The following NEXMIF variants were observed in gnomAD, a reference collection of about 807,000 sequenced individuals.
NEXMIF encodes the protein neurite extension and migration factor, also known as XLMR protein related to neurite extension.
NEXMIF carries 8 observed loss-of-function variants against 62.1 expected under a neutral mutation model. The observed-to-expected ratio is 0.13, with a 90% confidence interval of 0.08 to 0.23. The LOEUF is 0.23. NEXMIF is among the 10% of genes least tolerant of loss of function. NEXMIF has a pLI of 1.00. For synonymous variants in NEXMIF, 404 were observed against 416.6 expected, an observed-to-expected ratio of 0.97 and a Z score of 0.37; for missense variants, 976 against 1,113.3, an observed-to-expected ratio of 0.88 and a Z score of 1.75.
chrX:74,904,222 T>C (rs6647566), intron 1 of NEXMIF, among the ~76,000 whole-genome samples: 16,129 of 110,063 alleles, frequency 0.15, 1,781 homozygotes, highest in East Asian at 0.91. Context: ...TTTGAGAGAG[T>C]AATGAAACTT....
At chrX:74,836,528 T>C (rs1310088325) in intron 1 of NEXMIF, among the ~76,000 whole-genome samples, 1 of 110,849 alleles carries the variant, frequency 9.0e-6, no homozygotes, top group Non-Finnish European at 1.9e-5. Context: ...AGTGAGTCCT[T>C]CCCTCAAGGC....
chrX:74,765,449 G>A (rs999720532), intron 1 of NEXMIF, among the ~76,000 whole-genome samples: 3 of 111,480 alleles, frequency 2.7e-5, no homozygotes, highest in Non-Finnish European at 3.8e-5. Flanking sequence ...TCATATGTGC[G>A]GATTTGATCC....
chrX:74,791,447 T>C lies in NEXMIF; in HGVS notation c.-47-45750A>G, dbSNP rs773465465. On this transcript the variant is annotated intron_variant, in intron 1 of 3. Coordinates refer to ENST00000055682, the MANE Select transcript of NEXMIF (RefSeq NM_001008537.3). ...AGTGGTCTAAAATTCTCTTTTTTTG[T>C]TGTGTCTCTGCCTGGCTTTGGTATC... Among the ~76,000 whole-genome samples, 1,091 of 111,221 alleles carry C rather than the reference T, an allele frequency of 9.8e-3. 16 individuals carry two copies. The highest frequency in any genetic ancestry group is 0.032 in the African/African-American group (989 of 30,572).
chrX:74,756,839 G>T (rs2080160931), intron 1 of NEXMIF, among the ~76,000 whole-genome samples: 1 of 111,194 alleles, frequency 9.0e-6, no homozygotes, highest in Non-Finnish European at 1.9e-5. Flanking sequence ...ATTAAAGTCT[G>T]CATAGGAAAC....
chrX:74,924,021 G>T (rs1466692962), intron 1 of NEXMIF, among the ~76,000 whole-genome samples: 2 of 111,913 alleles, frequency 1.8e-5, no homozygotes, highest in Non-Finnish European at 3.8e-5. Flanking sequence ...AACCTTGCGC[G>T]GGTGATTCGG....
intron 1 of NEXMIF, among the ~76,000 whole-genome samples, chrX:74,898,038 A>C (rs957630315): frequency 1.8e-5 from 2 of 111,942 alleles, no homozygotes; most frequent in African/African-American, 6.5e-5. Flanking sequence ...ATTCCAAATA[A>C]TGTAGGTGGA....
chrX:74,757,294 G>A (rs1298982507), intron 1 of NEXMIF, among the ~76,000 whole-genome samples: 1 of 112,090 alleles, frequency 8.9e-6, no homozygotes, highest in Non-Finnish European at 1.9e-5. Context: ...AGACAGCACT[G>A]TTATTCTTGT....
chrX:74,795,637 G>T (rs1305986216), intron 1 of NEXMIF, among the ~76,000 whole-genome samples: 1 of 111,264 alleles, frequency 9.0e-6, no homozygotes, highest in Non-Finnish European at 1.9e-5. Flanking sequence ...TTATGCATTT[G>T]TCAAAACCTA....
At chrX:74,834,886 A>C in intron 1 of NEXMIF, among the ~76,000 whole-genome samples, 1 of 111,469 alleles carries the variant, frequency 9.0e-6, no homozygotes, top group Non-Finnish European at 1.9e-5. Context: ...CCCTGAATAA[A>C]ATTTCTACCT....
At chrX:74,916,230 A>T (rs1271091943) in intron 1 of NEXMIF, among the ~76,000 whole-genome samples, 1 of 112,188 alleles carries the variant, frequency 8.9e-6, no homozygotes, top group East Asian at 2.8e-4. Context: ...CAATCACATT[A>T]TTCCCTATTA....
rs1160622343 is a variant in NEXMIF at position 74,735,450 on chromosome X, C to T, written c.*3955G>A. ...TTAGGCAGTAAATGCTAATTGAAAC[C>T]TACTAAAACAGAAATTCACTAGAAC... is the stretch of plus-strand genomic sequence containing the variant. On this transcript the variant is annotated 3_prime_UTR_variant, in exon 4 of 4. Transcript: ENST00000055682. 1 of 111,493 alleles carries T rather than the reference C, an allele frequency of 9.0e-6. No homozygotes were observed. Among genetic ancestry groups the T allele is most frequent in the East Asian group, 2.8e-4 (1 of 3,555 alleles). 9.2% of individuals were successfully genotyped at this position (111,493 alleles called of 1,213,427 possible).
At chrX:74,897,369 T>C (rs992856018) in intron 1 of NEXMIF, among the ~76,000 whole-genome samples, 31 of 111,889 alleles carry the variant, frequency 2.8e-4, no homozygotes, top group Non-Finnish European at 5.1e-4. Context: ...AATAGTAAGC[T>C]CTGCACAAAA....
At chrX:74,777,231 G>A (rs909062322) in intron 1 of NEXMIF, among the ~76,000 whole-genome samples, 9 of 111,678 alleles carry the variant, frequency 8.1e-5, no homozygotes, top group African/African-American at 2.6e-4. Flanking sequence ...CTTGCTCAGA[G>A]TCACACAGCT....
At chrX:74,859,200 C>T (rs952930032) in intron 1 of NEXMIF, among the ~76,000 whole-genome samples, 7 of 110,888 alleles carry the variant, frequency 6.3e-5, no homozygotes, top group African/African-American at 2.3e-4. Context: ...AAAAGAATAC[C>T]TCAAAGCATT....
chrX:74,796,429 C>T (rs1223783175), intron 1 of NEXMIF, among the ~76,000 whole-genome samples: 2 of 101,775 alleles, frequency 2.0e-5, no homozygotes, highest in Non-Finnish European at 2.0e-5. Context: ...GCAATGATAG[C>T]TTGGTAAAAA....
chrX:74,825,633 C>T (rs962561633), intron 1 of NEXMIF, among the ~76,000 whole-genome samples: 1 of 112,203 alleles, frequency 8.9e-6, no homozygotes, highest in Admixed American at 9.5e-5. Flanking sequence ...CGGCTCATTG[C>T]AACCTTCACC....
intron 1 of NEXMIF, among the ~76,000 whole-genome samples, chrX:74,794,185 C>T (rs2080296930): frequency 9.0e-6 from 1 of 110,885 alleles, no homozygotes; most frequent in Non-Finnish European, 1.9e-5. Context: ...TATTAGTTTT[C>T]CTTCTAACAG....
chrX:74,766,383 C>T (rs1211014472), intron 1 of NEXMIF, among the ~76,000 whole-genome samples: 1 of 112,032 alleles, frequency 8.9e-6, no homozygotes, highest in African/African-American at 3.2e-5. Context: ...TGATTTGTAG[C>T]TTTGCCCTCT....
intron 1 of NEXMIF, among the ~76,000 whole-genome samples, chrX:74,840,134 G>A (rs921368096): frequency 8.9e-6 from 1 of 111,922 alleles, no homozygotes; most frequent in Non-Finnish European, 1.9e-5. Flanking sequence ...GCATCTCATT[G>A]TGGTTTTGAT....
Sources: gnomAD v4.1 joint callset for allele counts (sites outside exome capture counted in the v4.1 genomes callset) on GRCh38, gnomAD v4.1.1 for gene constraint, MANE v1.5 for transcripts, NCBI Gene and HGNC (gene_info 2026-07-23, HGNC 2026-07-21) for gene names.